The following PIK3C2G variants were observed in gnomAD, a reference collection of about 807,000 sequenced individuals.
PIK3C2G encodes phosphatidylinositol-4-phosphate 3-kinase catalytic subunit type 2 gamma.
In PIK3C2G, 168 loss-of-function variants were observed where a neutral mutation model predicts 181.1. The observed-to-expected ratio is 0.93, with a 90% CI of 0.82 to 1.05. PIK3C2G has a LOEUF of 1.05. Among genes scored for constraint, PIK3C2G ranks in the 50% least tolerant of loss-of-function variants. PIK3C2G has a pLI of 0.00. For synonymous variants in PIK3C2G, 573 were observed against 592.2 expected, an observed-to-expected ratio of 0.97 and a Z score of 0.47; for missense variants, 1,869 against 1,732.8, an observed-to-expected ratio of 1.08 and a Z score of -1.40.
chr12:18,439,045 T>C (rs1592261850), intron 18 of PIK3C2G, among the ~76,000 whole-genome samples: 1 of 151,992 alleles, frequency 6.6e-6, no homozygotes, highest in East Asian at 1.9e-4. Flanking sequence ...TTCCTGACAT[T>C]TGACTCCTGA....
At chr12:18,370,402 G>C (rs553120135) in intron 12 of PIK3C2G, among the ~76,000 whole-genome samples, 1 of 152,246 alleles carries the variant, frequency 6.6e-6, no homozygotes, top group South Asian at 2.1e-4. Context: ...TGAGCTCGGA[G>C]AGTCTTGACC....
chr12:18,400,841 G>C (rs188285853), intron 16 of PIK3C2G, among the ~76,000 whole-genome samples: 230 of 152,054 alleles, frequency 1.5e-3, no homozygotes, highest in African/African-American at 5.4e-3. Flanking sequence ...TAACTGATGT[G>C]TGCTCGGATG....
chr12:18,473,444 T>C (rs1938648545), intron 18 of PIK3C2G, among the ~76,000 whole-genome samples: 1 of 152,230 alleles, frequency 6.6e-6, no homozygotes, highest in South Asian at 2.1e-4. Context: ...GACCTTTTTA[T>C]ATGGTACTGA....
intron 17 of PIK3C2G, among the ~76,000 whole-genome samples, chr12:18,423,035 G>A (rs151205325): frequency 6.6e-6 from 1 of 151,732 alleles, no homozygotes; most frequent in African/African-American, 2.4e-5. Flanking sequence ...AGCATATTGA[G>A]GTGTTTCTTC....
chr12:18,335,709 G>C (rs1047018534), intron 8 of PIK3C2G, among the ~76,000 whole-genome samples: 1 of 152,042 alleles, frequency 6.6e-6, no homozygotes, highest in Non-Finnish European at 1.5e-5. Context: ...ACTTTCTGTT[G>C]GTTCTCATAT....
At chr12:18,657,870 G>T in the PIK3C2G span, among the ~76,000 whole-genome samples, 2 of 152,068 alleles carry the variant, frequency 1.3e-5, no homozygotes, top group African/African-American at 4.8e-5. Context: ...TCATCTATTG[G>T]ACTTACTAGA....
intron 18 of PIK3C2G, among the ~76,000 whole-genome samples, chr12:18,462,167 C>A (rs12314156): frequency 6.6e-6 from 1 of 152,116 alleles, no homozygotes; most frequent in African/African-American, 2.4e-5. Context: ...GAGGAGTGGG[C>A]GCATTATTCA....
the PIK3C2G span, among the ~76,000 whole-genome samples, chr12:18,667,443 T>C: frequency 6.6e-6 from 1 of 152,192 alleles, no homozygotes; most frequent in African/African-American, 2.4e-5. Context: ...GTCAATATTA[T>C]AGTCTTTGAC....
At chr12:18,469,977 T>C (rs984876863) in intron 18 of PIK3C2G, among the ~76,000 whole-genome samples, 2 of 151,744 alleles carry the variant, frequency 1.3e-5, no homozygotes, top group East Asian at 1.9e-4. Flanking sequence ...AACTTTGTCA[T>C]AGGCTTTAGA....
chr12:18,435,657 C>T (rs934817720), intron 18 of PIK3C2G, among the ~76,000 whole-genome samples: 4 of 152,050 alleles, frequency 2.6e-5, no homozygotes, highest in Non-Finnish European at 5.9e-5. Flanking sequence ...GTAAGCCTTT[C>T]TACATCCAAA....
intron 1 of PIK3C2G, among the ~76,000 whole-genome samples, chr12:18,268,315 G>T (rs1195520368): frequency 6.6e-6 from 1 of 151,908 alleles, no homozygotes; most frequent in South Asian, 2.1e-4. Context: ...TTAATTTTTT[G>T]AGTTATGTTA....
chr12:18,515,229 A>C (rs1450342488), intron 24 of PIK3C2G, among the ~76,000 whole-genome samples: 1 of 151,890 alleles, frequency 6.6e-6, no homozygotes, highest in Admixed American at 6.6e-5. Context: ...AACTAGTGTA[A>C]TGCTGGCCTC....
intron 12 of PIK3C2G, among the ~76,000 whole-genome samples, chr12:18,370,312 C>T (rs965337559): frequency 6.6e-6 from 1 of 152,160 alleles, no homozygotes; most frequent in African/African-American, 2.4e-5. Context: ...AACCCAAACT[C>T]GAGTTTTTCT....
At position 18,293,987 on chromosome 12, in the gene PIK3C2G, G is replaced by T. The variant is rs765922296; in HGVS notation, c.1006G>T (p.Val336Leu). The T allele has an allele frequency of 6.3e-7, 1 of 1,585,150 alleles. No homozygotes were observed. The highest frequency in any genetic ancestry group is 8.7e-7 in the Non-Finnish European group (1 of 1,154,792). ...ACTCCCCAAAGATCATATTCTAAGTGTATGTGGCTCTGAAGAATTTTTACA... is the reference window on the plus strand; with the variant it reads ...ACTCCCCAAAGATCATATTCTAAGTTTATGTGGCTCTGAAGAATTTTTACA... ...QLLPKDHILS[V>L]CGSEEFLQND... Residue 336 changes from valine to leucine, a missense_variant, in exon 5 of 33, where the codon GTA becomes TTA. By Grantham distance (32) the Val-to-Leu change is conservative. Coordinates refer to ENST00000538779, the MANE Select transcript of PIK3C2G (RefSeq NM_001288772.2).
Position 18,647,882 on chromosome 12 carries a change from T to C in PIK3C2G, c.4315T>C (p.Tyr1439His), listed in dbSNP as rs756183040. 5 of 1,543,004 alleles carry C rather than the reference T, an allele frequency of 3.2e-6. No homozygotes were observed. In the African/African-American group the frequency reaches 6.9e-5, roughly 21 times the overall value. Residue 1439 changes from tyrosine (Y) to histidine (H), a missense_variant, in exon 33 of 33, where the codon TAT (tyrosine) becomes CAT (histidine). Physicochemically the swap from Tyr to His is moderately conservative, Grantham distance 83. Coordinates refer to ENST00000538779, the MANE Select transcript of PIK3C2G (RefSeq NM_001288772.2). ...TTATTTTCTCCGTTTTTAGGTAGTATATGATGAAGTCACAGAGCTCCAAGG... is the reference window on the plus strand; with the variant it reads ...TTATTTTCTCCGTTTTTAGGTAGTACATGATGAAGTCACAGAGCTCCAAGG... ...TDPTYNEIVV[Y>H]DEVTELQGHV...
intron 6 of PIK3C2G, among the ~76,000 whole-genome samples, chr12:18,317,255 C>T (rs1210589260): frequency 6.6e-6 from 1 of 152,010 alleles, no homozygotes. Flanking sequence ...TCGTGATCCA[C>T]CTGCCTCAGC....
chr12:18,260,543 A>G (rs533684498), upstream of PIK3C2G, among the ~76,000 whole-genome samples: 1 of 152,170 alleles, frequency 6.6e-6, no homozygotes, highest in African/African-American at 2.4e-5. Context: ...GTGTTGTACA[A>G]TTGTGAACCT....
chr12:18,549,460 A>G (rs893602010), intron 26 of PIK3C2G, among the ~76,000 whole-genome samples: 12 of 152,072 alleles, frequency 7.9e-5, no homozygotes, highest in Admixed American at 4.6e-4. Context: ...AATGTATTTA[A>G]CTGTCATAAC....
intron 18 of PIK3C2G, among the ~76,000 whole-genome samples, chr12:18,458,950 G>A (rs561578438): frequency 2.0e-5 from 3 of 151,902 alleles, no homozygotes; most frequent in African/African-American, 2.4e-5. Context: ...ATAGAAGTGA[G>A]TATTTTCCCA....
Sources: allele counts gnomAD v4.1 joint callset (sites outside exome capture counted in the v4.1 genomes callset), GRCh38; gene constraint gnomAD v4.1.1; transcripts MANE v1.5; gene names NCBI Gene and HGNC (gene_info 2026-07-23, HGNC 2026-07-21).